CAMTA1: variants seen among roughly 807,000 people sequenced by gnomAD.
The protein encoded by CAMTA1 is calmodulin binding transcription activator 1.
A neutral mutation model predicts 170.9 loss-of-function variants in CAMTA1; 27 were observed. The observed-to-expected ratio is 0.16, with a 90% confidence interval of 0.12 to 0.22. The LOEUF (loss-of-function observed/expected upper bound fraction) is 0.22, where lower values mean the gene tolerates loss of function less well. CAMTA1 is among the 10% of genes least tolerant of loss of function. The pLI is 1.00. For missense variants in CAMTA1, 1,619 were observed against 2,217.2 expected, an observed-to-expected ratio of 0.73 and a Z score of 5.42; for synonymous variants, 833 against 891.5, an observed-to-expected ratio of 0.93 and a Z score of 1.17.
intron 6 of CAMTA1, among the ~76,000 whole-genome samples, chr1:7,584,753 G>GTCC (rs376754740): frequency 1.3e-5 from 2 of 152,138 alleles, no homozygotes; most frequent in Non-Finnish European, 1.5e-5. Flanking sequence ...TAGACCAGAG[G>GTCC]TCCTCACATG....
At chr1:7,717,408 C>T (rs1018353814) in intron 11 of CAMTA1, among the ~76,000 whole-genome samples, 126 of 152,098 alleles carry the variant, frequency 8.3e-4, no homozygotes, top group African/African-American at 2.8e-3. Flanking sequence ...TACTTCAAAA[C>T]ATCAGGTTGT....
intron 3 of CAMTA1, among the ~76,000 whole-genome samples, chr1:7,035,544 C>G (rs574958243): frequency 5.3e-5 from 8 of 152,346 alleles, no homozygotes; most frequent in Admixed American, 2.0e-4. Flanking sequence ...GTTGCTACTA[C>G]CTTGATTTGT....
intron 6 of CAMTA1, among the ~76,000 whole-genome samples, chr1:7,489,417 GAGA>G (rs980629719): frequency 1.3e-5 from 2 of 152,196 alleles, no homozygotes; most frequent in African/African-American, 4.8e-5. Flanking sequence ...GCTGTGTTTG[GAGA>G]AGATGTGTGC....
intron 6 of CAMTA1, among the ~76,000 whole-genome samples, chr1:7,632,186 G>A (rs74053119): frequency 0.019 from 2,928 of 152,344 alleles, 83 homozygotes; most frequent in African/African-American, 0.067. Flanking sequence ...GGGACATTCG[G>A]AATATGTATA....
At chr1:7,231,561 C>G (rs1412507601) in intron 4 of CAMTA1, among the ~76,000 whole-genome samples, 1 of 151,932 alleles carries the variant, frequency 6.6e-6, no homozygotes, top group Non-Finnish European at 1.5e-5. Flanking sequence ...TTGGTGGAGG[C>G]GGGGTTTCAC....
intron 5 of CAMTA1, among the ~76,000 whole-genome samples, chr1:7,414,139 TG>T (rs1557675024): frequency 6.6e-6 from 1 of 152,252 alleles, no homozygotes; most frequent in Admixed American, 6.5e-5. Flanking sequence ...CTTTTTGATG[TG>T]CTGCTGGATT....
chr1:6,927,282 G>A (rs1264454815), intron 3 of CAMTA1, among the ~76,000 whole-genome samples: 1 of 151,922 alleles, frequency 6.6e-6, no homozygotes, highest in Non-Finnish European at 1.5e-5. Flanking sequence ...AATCGACCAC[G>A]TCAGCCTCCC....
At chr1:7,703,077 T>C (rs566883541) in intron 11 of CAMTA1, among the ~76,000 whole-genome samples, 5 of 152,166 alleles carry the variant, frequency 3.3e-5, no homozygotes, top group Non-Finnish European at 7.3e-5. Flanking sequence ...TACCCTTTCA[T>C]TGCCGCCCTG....
At chr1:7,399,569 G>T (rs142231342) in intron 5 of CAMTA1, among the ~76,000 whole-genome samples, 1 of 152,184 alleles carries the variant, frequency 6.6e-6, no homozygotes, top group Non-Finnish European at 1.5e-5. Flanking sequence ...ATCTGCACCC[G>T]TGAGATTATG....
chr1:6,913,183 C>T lies in CAMTA1; in HGVS notation c.234+87973C>T, dbSNP rs59819586. ...GAGGAAGGGGTCGTATTTTAGAGGC[C>T]AGTTTCTCCTTTAGGTCCATGCCCT... On this transcript the variant is annotated intron_variant, in intron 3 of 22. Transcript: ENST00000303635. Among the ~76,000 whole-genome samples, 627 of 152,260 alleles carry T rather than the reference C, an allele frequency of 4.1e-3. 26 individuals are homozygous for T. The East Asian group carries it at 0.1, about 25-fold the overall frequency.
chr1:7,247,680 C>T (rs1666025163), intron 4 of CAMTA1, among the ~76,000 whole-genome samples: 1 of 152,130 alleles, frequency 6.6e-6, no homozygotes, highest in South Asian at 2.1e-4. Context: ...AGGAAGTGGT[C>T]CTAAGCACAG....
At chr1:7,083,269 T>C (rs12085583) in intron 3 of CAMTA1, among the ~76,000 whole-genome samples, 10 of 152,268 alleles carry the variant, frequency 6.6e-5, no homozygotes, top group African/African-American at 2.2e-4. Flanking sequence ...CCAGACACCC[T>C]TGGATCCTTA....
intron 11 of CAMTA1, among the ~76,000 whole-genome samples, chr1:7,731,289 T>C (rs1334602214): frequency 6.6e-6 from 1 of 152,018 alleles, no homozygotes; most frequent in African/African-American, 2.4e-5. Flanking sequence ...AAAAGAAATG[T>C]GGGGCTGGGC....
At chr1:6,915,895 G>A (rs568563131) in intron 3 of CAMTA1, among the ~76,000 whole-genome samples, 3 of 152,220 alleles carry the variant, frequency 2.0e-5, no homozygotes, top group African/African-American at 4.8e-5. Context: ...CCCCACCATC[G>A]GTCATTCTTA....
At chr1:6,793,035 A>G (rs1455295148) in intron 1 of CAMTA1, among the ~76,000 whole-genome samples, 1 of 152,084 alleles carries the variant, frequency 6.6e-6, no homozygotes, top group Non-Finnish European at 1.5e-5. Flanking sequence ...TTATATATAT[A>G]TACCCCACTC....
In CAMTA1 at chr1:7,115,882, C is replaced by T. The variant is rs908414793; in HGVS notation, c.302+24511C>T. ...TTGCTTTTATTTGTTCTATTCAGGT[C>T]TCCAGCTGATTGGATGGGCACATGA... On this transcript the variant is annotated intron_variant, in intron 4 of 22. Coordinates refer to ENST00000303635, the MANE Select transcript of CAMTA1 (RefSeq NM_015215.4). Among the ~76,000 whole-genome samples the T allele has an allele frequency of 2.0e-5, 3 of 152,198 alleles. No homozygotes were observed. The East Asian group carries it at 5.8e-4, about 29-fold the overall frequency.
At chr1:7,054,714 G>A (rs1312337294) in intron 3 of CAMTA1, among the ~76,000 whole-genome samples, 1 of 152,186 alleles carries the variant, frequency 6.6e-6, no homozygotes. Flanking sequence ...CACCACTTCC[G>A]GCTCTGTGAC....
At chr1:7,143,554 G>T (rs1364607416) in intron 4 of CAMTA1, among the ~76,000 whole-genome samples, 1 of 152,052 alleles carries the variant, frequency 6.6e-6, no homozygotes, top group East Asian at 1.9e-4. Context: ...ATCTCCTTCC[G>T]CCAGGAGCTC....
At position 7,065,946 on chromosome 1, in the gene CAMTA1, T is replaced by A. The variant is rs143117216; in HGVS notation, c.235-25358T>A. The stretch of plus-strand genomic sequence containing the variant: ...ACTTGACTGTGCCATTGGCGCTTGC[T>A]GGCAGCAGCTGAGCCTCAGGCACCC... On this transcript the variant is annotated intron_variant, in intron 3 of 22. Transcript: ENST00000303635. This position sits in a 1 kb window ranked among gnomAD's most constrained non-coding sequence, Gnocchi z 5.2. 4.8e-3 allele frequency among the ~76,000 whole-genome samples: 729 copies of A among 152,200 alleles called. 2 individuals are homozygous for A. Among genetic ancestry groups the A allele is most frequent in the Non-Finnish European group, 8.0e-3 (546 of 68,004 alleles).
Sources: gnomAD v4.1 joint callset for allele counts (sites outside exome capture counted in the v4.1 genomes callset) on GRCh38, gnomAD v4.1.1 for gene constraint, Gnocchi (gnomAD v3.1) non-coding constraint, MANE v1.5 for transcripts, NCBI Gene and HGNC (gene_info 2026-07-23, HGNC 2026-07-21) for gene names.